STARD10: variants seen among roughly 807,000 people sequenced by gnomAD.
STARD10 encodes the protein StAR related lipid transfer domain containing 10, also known as START domain-containing protein 10.
STARD10 carries 24 observed loss-of-function variants against 36.0 expected under a neutral mutation model. The observed-to-expected ratio is 0.67, with a 90% CI of 0.48 to 0.94. The LOEUF is 0.94. Ranked by LOEUF, STARD10 falls within the 40% of genes least tolerant of loss-of-function variation. STARD10 has a pLI of 0.00. For synonymous variants in STARD10, 156 were observed against 161.9 expected (o/e 0.96, Z 0.28); for missense variants, 335 against 396.6 (o/e 0.84, Z 1.32).
At chr11:72,769,121 G>A (rs1858827931) in intron 2 of STARD10, among the ~76,000 whole-genome samples, 1 of 152,210 alleles carries the variant, frequency 6.6e-6, no homozygotes, top group Admixed American at 6.5e-5. Flanking sequence ...TGAGGCGTCA[G>A]AAATACCAAG....
intron 2 of STARD10, among the ~76,000 whole-genome samples, chr11:72,762,832 C>T (rs1182180749): frequency 6.6e-6 from 1 of 152,068 alleles, no homozygotes; most frequent in Non-Finnish European, 1.5e-5. Flanking sequence ...GGCCTGTGGG[C>T]AGTGAATGAG....
chr11:72,770,483 G>T (rs1858841102), intron 2 of STARD10, among the ~76,000 whole-genome samples: 1 of 152,188 alleles, frequency 6.6e-6, no homozygotes, highest in Non-Finnish European at 1.5e-5. Context: ...CTCTCAAAGT[G>T]TTAGGATTAC....
Position 72,758,638 on chromosome 11 carries a change from G to A in STARD10, c.356-5C>T, listed in dbSNP as rs1447594311. ...TCAGGGGCTTGGGACACCTCCCTGT[G>A]GGGGGCAAGGGACAGTTCAGCCAGA... On this transcript the variant is annotated splice_region_variant and splice_polypyrimidine_tract_variant and intron_variant, in intron 3 of 6. Transcript: ENST00000334805. The A allele has an allele frequency of 1.2e-6, 2 of 1,607,452 alleles. No individual in the cohort carries two copies. The highest frequency in any genetic ancestry group is 1.7e-4 in the Middle Eastern group (1 of 6,042).
intron 2 of STARD10, among the ~76,000 whole-genome samples, chr11:72,774,536 C>T (rs1390332560): frequency 6.6e-6 from 1 of 152,192 alleles, no homozygotes; most frequent in African/African-American, 2.4e-5. Flanking sequence ...TCCAAGCATG[C>T]CAGAGGGGAT....
At chr11:72,784,545 C>G in intron 1 of STARD10, among the ~76,000 whole-genome samples, 1 of 152,102 alleles carries the variant, frequency 6.6e-6, no homozygotes, top group East Asian at 1.9e-4. Context: ...ATGCATGGTT[C>G]CAACAAAAAG....
At chr11:72,785,560 CAAAAAAAAAAAAAAAA>C (rs869274892) in intron 1 of STARD10, among the ~76,000 whole-genome samples, 6 of 41,538 alleles carry the variant, frequency 1.4e-4, no homozygotes, top group African/African-American at 5.3e-4. Flanking sequence ...GGCTCTGTCT[CAAAAAAAAAAAAAAAA>C]AAAAAAAAAA....
At chr11:72,788,608 G>C (rs1859103866) in intron 1 of STARD10, among the ~76,000 whole-genome samples, 5 of 146,978 alleles carry the variant, frequency 3.4e-5, no homozygotes, top group Non-Finnish European at 7.4e-5. Context: ...TCACTCTGTT[G>C]CCCAGGCTGG....
intron 1 of STARD10, among the ~76,000 whole-genome samples, chr11:72,790,774 G>T (rs1228100952): frequency 6.6e-6 from 1 of 152,238 alleles, no homozygotes; most frequent in Non-Finnish European, 1.5e-5. Flanking sequence ...TGCATGTGCA[G>T]GTGTAAACAC....
intron 1 of STARD10, among the ~76,000 whole-genome samples, chr11:72,784,026 A>C (rs1487677539): frequency 2.6e-5 from 4 of 152,182 alleles, no homozygotes; most frequent in African/African-American, 4.8e-5. Flanking sequence ...AGGCCAGGCT[A>C]CCTCGCCAGC....
rs1267300111 is a variant in STARD10, at chr11:72,777,858, T to C, written c.207+3117A>G. ...GCTAGGTGGAGTCCCACCCCCACCCTGGGATCAGGAGCACGGGGCATGTCC... is the reference window on the plus strand; with the variant it reads ...GCTAGGTGGAGTCCCACCCCCACCCCGGGATCAGGAGCACGGGGCATGTCC... On this transcript the variant is annotated intron_variant, in intron 2 of 6. Transcript: ENST00000334805. Among the ~76,000 whole-genome samples the C allele has an allele frequency of 5.3e-5, 8 of 151,928 alleles. No homozygotes were observed. The South Asian group carries it at 1.0e-3, about 20-fold the overall frequency.
intron 2 of STARD10, among the ~76,000 whole-genome samples, chr11:72,763,778 A>C (rs1452310219): frequency 2.0e-5 from 3 of 152,210 alleles, no homozygotes; most frequent in African/African-American, 7.2e-5. Flanking sequence ...CATCGTTAGC[A>C]TCCAAACAGC....
In STARD10 at chr11:72,780,957, T is replaced by C. The variant is rs566975828; in HGVS notation, c.207+18A>G. 40 of 1,613,608 alleles carry C rather than the reference T, an allele frequency of 2.5e-5. No individual in the cohort carries two copies. In the South Asian group the frequency reaches 4.2e-4, roughly 17 times the overall value. On this transcript the variant is annotated intron_variant, in intron 2 of 6. Coordinates refer to ENST00000334805, the MANE Select transcript of STARD10 (RefSeq NM_006645.3). ...GTAAGGGTGCAGTGGAGGCTGCAGG[T>C]ATAGCGGGCAACCCTACCTTGATCT...
chr11:72,757,189 G>A (rs1313422333), intron 5 of STARD10, among the ~76,000 whole-genome samples: 1 of 151,796 alleles, frequency 6.6e-6, no homozygotes, highest in Non-Finnish European at 1.5e-5. Context: ...ATTTGGCTGA[G>A]GAAGAGGGAG....
intron 2 of STARD10, chr11:72,780,350 T>C (rs1168218647): frequency 9.6e-6 from 4 of 414,840 alleles, no homozygotes; most frequent in Non-Finnish European, 2.0e-5. Context: ...CCAGGCCCCT[T>C]CCTTCCCCAG....
At chr11:72,771,298 G>C (rs1279650198) in intron 2 of STARD10, among the ~76,000 whole-genome samples, 1 of 152,194 alleles carries the variant, frequency 6.6e-6, no homozygotes, top group East Asian at 1.9e-4. Context: ...GGGTGTGTGT[G>C]GAGTTCAGGG....
At chr11:72,760,518 G>A (rs1388166375) in intron 2 of STARD10, among the ~76,000 whole-genome samples, 2 of 152,246 alleles carry the variant, frequency 1.3e-5, no homozygotes, top group South Asian at 2.1e-4. Context: ...AAGCCGCCGC[G>A]CCCAGCCTGG....
intron 3 of STARD10, 50 bp from the exon 4 acceptor site, chr11:72,758,683 C>G: frequency 1.4e-6 from 2 of 1,410,954 alleles, no homozygotes; most frequent in Non-Finnish European, 2.0e-6. Context: ...CACCTGCCTA[C>G]AAGGGAGGGT....
chr11:72,758,664 C>T (rs1400222565), intron 3 of STARD10, 31 bp from the exon 4 acceptor site: 1 of 1,521,744 alleles, frequency 6.6e-7, no homozygotes, highest in Non-Finnish European at 9.1e-7. Flanking sequence ...TTCAGCCAGA[C>T]CACTGGTCCA....
chr11:72,758,631 T>C lies in STARD10; in HGVS notation c.358A>G (p.Arg120Gly), dbSNP rs1241959166. 3 of 1,612,322 alleles carry C rather than the reference T, an allele frequency of 1.9e-6. No individual in the cohort carries two copies. The highest frequency in any genetic ancestry group is 1.7e-4 in the Middle Eastern group (1 of 6,056). Residue 120 changes from arginine to glycine, a missense_variant and splice_region_variant, in exon 4 of 7, where the codon AGG (arginine) becomes GGG (glycine). Physicochemically the swap from Arg to Gly is moderately radical, Grantham distance 125 (BLOSUM62 -2). Transcript: ENST00000334805. ...VNADVGYYSW[R>G]CPKPLKNRDV... is the part of the protein sequence containing the mutation. ...CGGTTCTTCAGGGGCTTGGGACACC[T>C]CCCTGTGGGGGGCAAGGGACAGTTC...
Sources: allele counts gnomAD v4.1 joint callset (sites outside exome capture counted in the v4.1 genomes callset), GRCh38; gene constraint gnomAD v4.1.1; transcripts MANE v1.5; gene names NCBI Gene and HGNC (gene_info 2026-07-23, HGNC 2026-07-21).